ANXA2: variants seen among roughly 807,000 people sequenced by gnomAD.
The protein encoded by ANXA2 is annexin II.
ANXA2 carries 28 observed loss-of-function variants against 47.3 expected under a neutral mutation model. The ratio of observed to expected loss-of-function variants is 0.59; its 90% CI spans 0.44 to 0.81. ANXA2 has a LOEUF of 0.81. ANXA2 is among the 40% of genes least tolerant of loss of function. The pLI is 0.00. For synonymous variants in ANXA2, 172 were observed against 155.5 expected (o/e 1.11, Z -0.79); for missense variants, 384 against 414.3 (o/e 0.93, Z 0.64).
At chr15:60,381,489 C>T (rs550553425) in intron 3 of ANXA2, among the ~76,000 whole-genome samples, 48 of 152,010 alleles carry the variant, frequency 3.2e-4, no homozygotes, top group African/African-American at 1.1e-3. Flanking sequence ...AAAGTCTGAA[C>T]ATCCTATTTT....
intron 7 of ANXA2, 55 bp from the exon 8 acceptor site, chr15:60,354,268 G>T: frequency 7.0e-7 from 1 of 1,423,492 alleles, no homozygotes; most frequent in Non-Finnish European, 9.8e-7. Context: ...TTTTAAAACT[G>T]AAAATGTTTT....
chr15:60,388,914 TTC>T (rs1340037762), intron 1 of ANXA2, among the ~76,000 whole-genome samples: 13 of 59,654 alleles, frequency 2.2e-4, no homozygotes, highest in Admixed American at 6.0e-4. Context: ...GCTTTTTTTT[TTC>T]CAGTAGAGAT....
intron 3 of ANXA2, among the ~76,000 whole-genome samples, chr15:60,367,466 GC>G (rs2062644396): frequency 2.0e-5 from 1 of 50,114 alleles, no homozygotes; most frequent in Non-Finnish European, 3.6e-5. Flanking sequence ...CCGGCCGGCC[GC>G]CCCGTCCGGG....
chr15:60,379,024 T>C (rs2062818501), intron 3 of ANXA2, among the ~76,000 whole-genome samples: 1 of 151,478 alleles, frequency 6.6e-6, no homozygotes, highest in Non-Finnish European at 1.5e-5. Flanking sequence ...CTCACGGCTA[T>C]AATCCCAGCA....
chr15:60,361,679 C>T (rs1403912047), intron 4 of ANXA2, among the ~76,000 whole-genome samples: 2 of 152,160 alleles, frequency 1.3e-5, no homozygotes, highest in African/African-American at 4.8e-5. Context: ...AGGAAACTAA[C>T]ACCCCCGAAC....
rs760482740 is a variant in ANXA2, at chr15:60,351,674, T to C, written c.778+50A>G. 7.3e-6 allele frequency: 9 copies of C among 1,238,168 alleles called. No homozygotes were observed. In the African/African-American group the frequency reaches 1.3e-4, roughly 18 times the overall value. The allele number at this position is 1,238,168 out of a possible 1,614,324, so 76.7% of individuals were successfully genotyped here. On this transcript the variant is annotated intron_variant, in intron 10 of 12. Transcript: ENST00000451270. ...ATTAACAGGATGGCCATCTGTCACT[T>C]CTGCTCTGGTAGCTGATGTCTACCA...
chr15:60,353,220 G>A (rs2062375637), intron 8 of ANXA2, among the ~76,000 whole-genome samples: 1 of 152,288 alleles, frequency 6.6e-6, no homozygotes, highest in East Asian at 1.9e-4. Context: ...GTCCCTCTGA[G>A]TAAAGAATAT....
In ANXA2 at chr15:60,392,080, A is replaced by G. The variant is rs138744871; in HGVS notation, c.-12+5863T>C. 4.3e-3 allele frequency among the ~76,000 whole-genome samples: 651 copies of G among 152,302 alleles called. 5 individuals carry two copies. Among genetic ancestry groups the G allele is most frequent in the African/African-American group, 0.015 (609 of 41,566 alleles). On this transcript the variant is annotated intron_variant, in intron 1 of 12. Coordinates refer to ENST00000451270, the MANE Select transcript of ANXA2 (RefSeq NM_004039.3). ...TAGAGGTACAGGGAGACTCACTGAT[A>G]AGAGCCATACCCACCTCAAACTGGT... is the stretch of plus-strand genomic sequence containing the variant.
At chr15:60,364,296 A>G in intron 4 of ANXA2, 133 bp downstream of exon 4, 1 of 734,464 alleles carries the variant, frequency 1.4e-6, no homozygotes, top group South Asian at 1.6e-5. Flanking sequence ...GGATTTAAGA[A>G]GAAAATCTTA....
At chr15:60,358,219 C>T (rs1012583668) in intron 5 of ANXA2, among the ~76,000 whole-genome samples, 12 of 152,176 alleles carry the variant, frequency 7.9e-5, no homozygotes, top group African/African-American at 2.9e-4. Flanking sequence ...ACCTAGACAC[C>T]AACACTTTAT....
intron 8 of ANXA2, among the ~76,000 whole-genome samples, chr15:60,353,478 A>G (rs2062379090): frequency 6.6e-6 from 1 of 152,232 alleles, no homozygotes; most frequent in Non-Finnish European, 1.5e-5. Context: ...CTTCCATACA[A>G]GCAAAGCCTG....
chr15:60,382,617 T>A (rs1464077552), intron 2 of ANXA2, 176 bp from the exon 3 acceptor site: 1 of 479,554 alleles, frequency 2.1e-6, no homozygotes, highest in African/African-American at 2.0e-5. Flanking sequence ...TTTCATTTTT[T>A]CTAATAAGAA....
At chr15:60,356,865 G>A (rs2062438864) in intron 6 of ANXA2, among the ~76,000 whole-genome samples, 1 of 152,254 alleles carries the variant, frequency 6.6e-6, no homozygotes, top group African/African-American at 2.4e-5. Context: ...CTCCTCATCC[G>A]ATCTTGTTTA....
At chr15:60,353,043 T>C (rs891435537) in intron 8 of ANXA2, among the ~76,000 whole-genome samples, 7 of 152,212 alleles carry the variant, frequency 4.6e-5, no homozygotes, top group African/African-American at 1.4e-4. Flanking sequence ...CATTCCGTGA[T>C]CTTCCACCAT....
Position 60,393,182 on chromosome 15 carries a change from C to T in ANXA2, c.-12+4761G>A, listed in dbSNP as rs1301329318. The T allele has an allele frequency of 2.5e-6, 3 of 1,222,090 alleles. No individual in the cohort carries two copies. The African/African-American group carries it at 4.7e-5, about 19-fold the overall frequency. The allele number at this position is 1,222,090 out of a possible 1,614,324, so 75.7% of individuals were successfully genotyped here. ...GCAGGAGGGACACACAGCACTTGCT[C>T]CAGCTTGTCTCTTCTGTGGCCTGAT... On this transcript the variant is annotated intron_variant, in intron 1 of 12. Transcript: ENST00000451270.
chr15:60,363,650 C>T (rs1449513347), intron 4 of ANXA2, among the ~76,000 whole-genome samples: 1 of 152,150 alleles, frequency 6.6e-6, no homozygotes. Context: ...GTTTCTTAAC[C>T]ACTAGTGGAC....
At chr15:60,371,878 G>A (rs1222598890) in intron 3 of ANXA2, among the ~76,000 whole-genome samples, 3 of 152,174 alleles carry the variant, frequency 2.0e-5, no homozygotes, top group African/African-American at 7.2e-5. Context: ...TTTGCCGGGC[G>A]CGGTGGCTCA....
intron 12 of ANXA2, among the ~76,000 whole-genome samples, chr15:60,348,470 C>A (rs990059075): frequency 6.6e-6 from 1 of 152,192 alleles, no homozygotes; most frequent in African/African-American, 2.4e-5. Context: ...TGTGGCCGGG[C>A]GCAGTGGCTC....
At chr15:60,351,080 T>C in intron 11 of ANXA2, 113 bp downstream of exon 11, 1 of 1,020,348 alleles carries the variant, frequency 9.8e-7, no homozygotes, top group Non-Finnish European at 1.5e-6. Flanking sequence ...TGTTCCTGCA[T>C]CCACACAGTG....
Sources: allele counts gnomAD v4.1 joint callset (sites outside exome capture counted in the v4.1 genomes callset), GRCh38; gene constraint gnomAD v4.1.1; transcripts MANE v1.5; gene names NCBI Gene and HGNC (gene_info 2026-07-23, HGNC 2026-07-21).